Variants in MCF2L observed in about 807,000 individuals in gnomAD.
The protein encoded by MCF2L is guanine nucleotide exchange factor DBS.
MCF2L carries 97 observed loss-of-function variants against 153.4 expected under a neutral mutation model. The observed-to-expected ratio is 0.63, with a 90% CI of 0.54 to 0.75. MCF2L has a LOEUF of 0.75. MCF2L is among the 30% of genes least tolerant of loss of function. MCF2L has a pLI of 0.00. For synonymous variants in MCF2L, 659 were observed against 632.2 expected, an observed-to-expected ratio of 1.04 and a Z score of -0.64; for missense variants, 1,347 against 1,495.2, an observed-to-expected ratio of 0.90 and a Z score of 1.64.
chr13:112,911,556 T>G (rs1343467182), intron 2 of MCF2L, among the ~76,000 whole-genome samples: 2 of 152,174 alleles, frequency 1.3e-5, no homozygotes, highest in Admixed American at 1.3e-4. Flanking sequence ...CTCCCTCACT[T>G]CCAGAGACCT....
At chr13:112,998,373 C>T (rs1038350008) in intron 1 of MCF2L, among the ~76,000 whole-genome samples, 3 of 152,100 alleles carry the variant, frequency 2.0e-5, no homozygotes, top group Admixed American at 6.5e-5. Flanking sequence ...GTGAGGAGGC[C>T]GTGAGCCACA....
In MCF2L at chr13:112,903,212, T is replaced by C. The variant is rs1055387723; in HGVS notation, c.169+841T>C. On this transcript the variant is annotated intron_variant, in intron 2 of 29. Transcript: ENST00000375608. Reference sequence around the variant, plus strand: ...CTTCCAGCACCAATGGGGTGGCCACTGAGCTGAGAAGGGATTTTGATAATT... The same window carrying C: ...CTTCCAGCACCAATGGGGTGGCCACCGAGCTGAGAAGGGATTTTGATAATT... Among the ~76,000 whole-genome samples, 3 of 152,328 alleles carry C rather than the reference T, an allele frequency of 2.0e-5. No homozygotes were observed. The South Asian group carries it at 6.2e-4, about 32-fold the overall frequency.
intron 9 of MCF2L, among the ~76,000 whole-genome samples, chr13:113,072,359 A>T (rs1210357793): frequency 6.6e-6 from 1 of 152,164 alleles, no homozygotes; most frequent in Non-Finnish European, 1.5e-5. Context: ...CCCACTGCGT[A>T]CTGCCCCAAC....
chr13:113,095,069 G>A (rs1459468530), intron 27 of MCF2L: 2 of 1,368,082 alleles, frequency 1.5e-6, no homozygotes, highest in Admixed American at 1.9e-5. Flanking sequence ...TGCTGTCACT[G>A]AGCCTTCCTA....
chr13:113,057,381 CTGAG>C (rs1280535764), intron 4 of MCF2L, among the ~76,000 whole-genome samples: 1 of 134,238 alleles, frequency 7.4e-6, no homozygotes, highest in Non-Finnish European at 1.6e-5. Context: ...TGTTTGGGCA[CTGAG>C]TGTTTGGGTG....
chr13:113,018,567 G>A lies in MCF2L; in HGVS notation c.163+3721G>A, dbSNP rs946493660. Among the ~76,000 whole-genome samples the A allele has an allele frequency of 2.9e-4, 44 of 152,154 alleles. 1 individual carries two copies. The highest frequency in any genetic ancestry group is 2.1e-4 in the South Asian group (1 of 4,818). On this transcript the variant is annotated intron_variant, in intron 2 of 29. Transcript: ENST00000535094. The stretch of plus-strand genomic sequence containing the variant: ...GCTCCAAACCCAGAGGCAATGGCGC[G>A]TCCCCTGGCATGGCAGTCGGAGCAG...
intron 1 of MCF2L, among the ~76,000 whole-genome samples, chr13:113,012,197 C>A (rs1213471854): frequency 1.4e-5 from 1 of 73,118 alleles, no homozygotes; most frequent in African/African-American, 5.0e-5. Context: ...GGTGGACAGG[C>A]GGTGTGGACG....
intron 1 of MCF2L, among the ~76,000 whole-genome samples, chr13:112,997,492 C>G (rs1315835910): frequency 6.6e-6 from 1 of 152,200 alleles, no homozygotes; most frequent in East Asian, 1.9e-4. Flanking sequence ...TGTCCACTGT[C>G]CCTTCAGCCC....
In MCF2L at chr13:112,969,913, T is replaced by C. The variant is rs2081981969; in HGVS notation, c.79+455T>C. ...CTGGACTAATCAGGTGGTTCTTTTC[T>C]TCATTAAATGCAATTTAAACCTAAG... On this transcript the variant is annotated intron_variant, in intron 1 of 29. Transcript: ENST00000535094. This position sits in a 1 kb window ranked among gnomAD's most constrained non-coding sequence, Gnocchi z 4.8. Among the ~76,000 whole-genome samples, 1 of 152,230 alleles carries C rather than the reference T, an allele frequency of 6.6e-6. No homozygotes were observed.
At chr13:112,929,411 A>T (rs2081439394) in intron 2 of MCF2L, among the ~76,000 whole-genome samples, 1 of 152,234 alleles carries the variant, frequency 6.6e-6, no homozygotes, top group Non-Finnish European at 1.5e-5. Flanking sequence ...ACTGCCACTT[A>T]TAGGCCAGGA....
At chr13:112,981,546 T>G (rs2082425939) in intron 1 of MCF2L, among the ~76,000 whole-genome samples, 1 of 152,166 alleles carries the variant, frequency 6.6e-6, no homozygotes, top group East Asian at 1.9e-4. Flanking sequence ...GGTCCCCAGA[T>G]GCACCGAGCC....
intron 2 of MCF2L, among the ~76,000 whole-genome samples, chr13:112,928,911 C>G (rs1316286242): frequency 6.6e-6 from 1 of 152,228 alleles, no homozygotes; most frequent in Non-Finnish European, 1.5e-5. Context: ...AGCTGACAGT[C>G]TGTGGCATCT....
intron 1 of MCF2L, among the ~76,000 whole-genome samples, chr13:112,974,206 C>T (rs564012549): frequency 6.6e-6 from 1 of 152,328 alleles, no homozygotes; most frequent in African/African-American, 2.4e-5. Flanking sequence ...AGACCACCTT[C>T]TATAGTGGTG....
At chr13:113,033,283 T>TGGC (rs2085879324) in intron 3 of MCF2L, among the ~76,000 whole-genome samples, 3 of 17,742 alleles carry the variant, frequency 1.7e-4, no homozygotes, top group Non-Finnish European at 3.2e-4. Context: ...GAGTGGCCCC[T>TGGC]GTGACATTAG....
rs1426970953 is a variant in MCF2L at position 113,096,443 on chromosome 13, G to T, written c.3148G>T (p.Asp1050Tyr). The change falls in exon 28 of 30, where the codon GAC (aspartate) becomes TAC (tyrosine). Residue 1050 changes from aspartate to tyrosine, a missense_variant. By Grantham distance (160) the Asp-to-Tyr change is radical. This residue lies in a region of MCF2L where 383 missense variants were observed against 335.4 expected (regional missense o/e 1.14). Coordinates refer to ENST00000535094, the MANE Select transcript of MCF2L (RefSeq NM_001112732.3). ...GPDALRVRSG[D>Y]VVELVQEGDE... is the part of the protein sequence containing the mutation. ...CGATGCGCTGCGCGTGAGGAGCGGGGACGTGGTGGAGCTGGTGCAGGAGGG... is the reference window on the plus strand; with the variant it reads ...CGATGCGCTGCGCGTGAGGAGCGGGTACGTGGTGGAGCTGGTGCAGGAGGG... 6.3e-7 allele frequency: 1 copy of T among 1,594,382 alleles called. No homozygotes were observed. Among genetic ancestry groups the T allele is most frequent in the African/African-American group, 1.3e-5 (1 of 74,588 alleles).
chr13:112,969,899 A>G lies in MCF2L; in HGVS notation c.79+441A>G, dbSNP rs1297748834. Among the ~76,000 whole-genome samples, 2 of 152,194 alleles carry G rather than the reference A, an allele frequency of 1.3e-5. No individual in the cohort carries two copies. Among genetic ancestry groups the G allele is most frequent in the Non-Finnish European group, 2.9e-5 (2 of 68,036 alleles). ...GAGGATGAAAAAACCTGGACTAATC[A>G]GGTGGTTCTTTTCTTCATTAAATGC... On this transcript the variant is annotated intron_variant, in intron 1 of 29. Transcript: ENST00000535094. This position sits in a 1 kb window ranked among gnomAD's most constrained non-coding sequence, Gnocchi z 4.8.
At chr13:113,073,997 A>G (rs907094441) in intron 9 of MCF2L, among the ~76,000 whole-genome samples, 1 of 152,232 alleles carries the variant, frequency 6.6e-6, no homozygotes, top group African/African-American at 2.4e-5. Flanking sequence ...AATCGTAGAC[A>G]TTAGAAGTTA....
chr13:112,975,001 A>G (rs1481678926), intron 1 of MCF2L, among the ~76,000 whole-genome samples: 1 of 152,196 alleles, frequency 6.6e-6, no homozygotes, highest in Non-Finnish European at 1.5e-5. Flanking sequence ...CACCAGAACT[A>G]TCGTTTCCAC....
At chr13:113,062,346 G>A (rs1449868627) in intron 5 of MCF2L, among the ~76,000 whole-genome samples, 1 of 152,070 alleles carries the variant, frequency 6.6e-6, no homozygotes, top group African/African-American at 2.4e-5. Flanking sequence ...TCTCGTGGTG[G>A]CTTGTGCAGC....
Sources: gnomAD v4.1 joint callset for allele counts (sites outside exome capture counted in the v4.1 genomes callset) on GRCh38, gnomAD v4.1.1 for gene constraint, gnomAD v4.1.1 regional missense constraint, Gnocchi (gnomAD v3.1) non-coding constraint, MANE v1.5 for transcripts, NCBI Gene and HGNC (gene_info 2026-07-23, HGNC 2026-07-21) for gene names.